SARNP: variants seen among roughly 807,000 people sequenced by gnomAD.
The protein encoded by SARNP is SAP domain containing ribonucleoprotein.
In SARNP, 5 loss-of-function variants were observed where a neutral mutation model predicts 38.1. The observed-to-expected ratio is 0.13, with a 90% CI of 0.07 to 0.28. The LOEUF is 0.28. Ranked by LOEUF, SARNP falls within the 10% of genes least tolerant of loss-of-function variation. SARNP has a pLI of 1.00. For synonymous variants in SARNP, 84 were observed against 80.6 expected, an observed-to-expected ratio of 1.04 and a Z score of -0.23; for missense variants, 180 against 243.9, an observed-to-expected ratio of 0.74 and a Z score of 1.75.
chr12:55,814,584 T>C (rs1288556274), intron 1 of SARNP, among the ~76,000 whole-genome samples: 1 of 152,106 alleles, frequency 6.6e-6, no homozygotes, highest in East Asian at 1.9e-4. Flanking sequence ...AATGTGTTAG[T>C]ATGGGCCAGG....
At chr12:55,788,838 G>T (rs111609559) in intron 9 of SARNP, among the ~76,000 whole-genome samples, 1 of 152,034 alleles carries the variant, frequency 6.6e-6, no homozygotes, top group East Asian at 1.9e-4. Context: ...TGTAGACCAC[G>T]CTCTAGCAGC....
intron 9 of SARNP, among the ~76,000 whole-genome samples, chr12:55,764,954 G>T (rs989316659): frequency 6.6e-6 from 1 of 151,906 alleles, no homozygotes; most frequent in Non-Finnish European, 1.5e-5. Flanking sequence ...AAGTGAATAC[G>T]GAATATAAAT....
At chr12:55,777,672 C>A (rs957646324) in intron 9 of SARNP, among the ~76,000 whole-genome samples, 11 of 152,270 alleles carry the variant, frequency 7.2e-5, no homozygotes, top group Admixed American at 5.9e-4. Flanking sequence ...CCACACCCAG[C>A]CAAACCTTTC....
At chr12:55,758,400 A>T (rs1377915319) in intron 10 of SARNP, among the ~76,000 whole-genome samples, 5 of 152,106 alleles carry the variant, frequency 3.3e-5, no homozygotes, top group Non-Finnish European at 7.4e-5. Context: ...TAATCTCAGG[A>T]CTTTGAGAGG....
intron 5 of SARNP, among the ~76,000 whole-genome samples, chr12:55,795,279 A>G (rs1879788804): frequency 2.6e-5 from 4 of 152,158 alleles, no homozygotes; most frequent in African/African-American, 9.7e-5. Flanking sequence ...TATCTTAAAA[A>G]CATCAGAAGT....
At chr12:55,785,449 T>TCA in intron 9 of SARNP, among the ~76,000 whole-genome samples, 1 of 151,956 alleles carries the variant, frequency 6.6e-6, no homozygotes, top group South Asian at 2.1e-4. Flanking sequence ...GGTCAAAGTA[T>TCA]CACTGTTAGG....
intron 9 of SARNP, among the ~76,000 whole-genome samples, chr12:55,776,636 T>C (rs1398536009): frequency 6.6e-6 from 1 of 152,126 alleles, no homozygotes; most frequent in Non-Finnish European, 1.5e-5. Context: ...TGAGTATACT[T>C]GGATTCAGAG....
At chr12:55,762,389 T>A (rs939119211) in intron 9 of SARNP, among the ~76,000 whole-genome samples, 1 of 151,316 alleles carries the variant, frequency 6.6e-6, no homozygotes, top group African/African-American at 2.4e-5. Context: ...CACTGCAACC[T>A]GTGCCTCCCA....
At chr12:55,797,138 G>C (rs1466221421) in intron 4 of SARNP, among the ~76,000 whole-genome samples, 1 of 152,280 alleles carries the variant, frequency 6.6e-6, no homozygotes, top group East Asian at 1.9e-4. Flanking sequence ...CCAATATCCT[G>C]AACACTTTTC....
At chr12:55,787,546 C>A (rs543803523) in intron 9 of SARNP, among the ~76,000 whole-genome samples, 43 of 152,008 alleles carry the variant, frequency 2.8e-4, no homozygotes, top group Non-Finnish European at 4.4e-4. Flanking sequence ...AAGTGATTCT[C>A]CCACCTCAGC....
intron 9 of SARNP, among the ~76,000 whole-genome samples, chr12:55,764,777 A>T (rs1260033711): frequency 1.4e-5 from 2 of 146,890 alleles, no homozygotes; most frequent in Non-Finnish European, 3.0e-5. Context: ...GGTTGCAGGG[A>T]GCCAAGATCA....
intron 5 of SARNP, 31 bp downstream of exon 5, chr12:55,795,994 A>G (rs765338349): frequency 6.8e-7 from 1 of 1,479,182 alleles, no homozygotes; most frequent in South Asian, 1.1e-5. Context: ...AGAAATGTAG[A>G]GACTGTTCTA....
chr12:55,775,411 A>G (rs1361156926), intron 9 of SARNP, among the ~76,000 whole-genome samples: 1 of 151,306 alleles, frequency 6.6e-6, no homozygotes, highest in Admixed American at 6.6e-5. Context: ...AGATACAAAA[A>G]TTAGCCGGGC....
chr12:55,807,573 C>T (rs931635890), intron 1 of SARNP, among the ~76,000 whole-genome samples: 5 of 149,428 alleles, frequency 3.3e-5, no homozygotes, highest in Admixed American at 1.4e-4. Context: ...GAGGCCGAGG[C>T]AGGCGGATCA....
intron 4 of SARNP, among the ~76,000 whole-genome samples, chr12:55,796,994 G>A (rs1209223775): frequency 3.3e-5 from 5 of 152,128 alleles, no homozygotes; most frequent in Admixed American, 2.6e-4. Flanking sequence ...GACCACAGGG[G>A]CGGGAGACAA....
In SARNP at chr12:55,779,449, T is replaced by C. The variant is rs181096431; in HGVS notation, c.501+9626A>G. On this transcript the variant is annotated intron_variant, in intron 9 of 10. Transcript: ENST00000336133. ...GCACTGCTGCTTGAGTATATTTGAA[T>C]AGAACCCAAACTTACTAAGCAGGCT... 3.3e-5 allele frequency among the ~76,000 whole-genome samples: 5 copies of C among 152,336 alleles called. No individual in the cohort carries two copies. In the East Asian group the frequency reaches 5.8e-4, roughly 18 times the overall value.
chr12:55,763,198 C>T (rs1048338888), intron 9 of SARNP, among the ~76,000 whole-genome samples: 5 of 152,044 alleles, frequency 3.3e-5, no homozygotes, highest in African/African-American at 1.2e-4. Flanking sequence ...TATTCTTGTC[C>T]TTAATAATAA....
chr12:55,805,064 C>T lies in SARNP; in HGVS notation c.37-1336G>A, dbSNP rs569661896. ...GGATCACAAGGTTAGAAGATCGAGA[C>T]CATCCTGGCTAACACAGTGAAACCC... On this transcript the variant is annotated intron_variant, in intron 1 of 10. Transcript: ENST00000336133. Among the ~76,000 whole-genome samples the T allele has an allele frequency of 2.0e-3, 299 of 151,618 alleles. 1 individual carries two copies. The highest frequency in any genetic ancestry group is 3.7e-3 in the Non-Finnish European group (251 of 67,840).
At chr12:55,812,646 C>A (rs538657483) in intron 1 of SARNP, among the ~76,000 whole-genome samples, 4 of 152,244 alleles carry the variant, frequency 2.6e-5, no homozygotes, top group Non-Finnish European at 4.4e-5. Flanking sequence ...TTCTCCTCCT[C>A]CCAACCCAGA....
Sources: gnomAD v4.1 joint callset for allele counts (sites outside exome capture counted in the v4.1 genomes callset) on GRCh38, gnomAD v4.1.1 for gene constraint, MANE v1.5 for transcripts, NCBI Gene and HGNC (gene_info 2026-07-23, HGNC 2026-07-21) for gene names.